Variants in PDE1C observed in about 807,000 individuals in gnomAD.
The protein encoded by PDE1C is dual specificity calcium/calmodulin-dependent 3',5'-cyclic nucleotide phosphodiesterase 1C.
Under a neutral mutation model 93.1 loss-of-function variants are expected in PDE1C, and 62 were observed. The ratio of observed to expected loss-of-function variants is 0.67; its 90% CI spans 0.54 to 0.82. The LOEUF (loss-of-function observed/expected upper bound fraction) is 0.82, where lower values mean the gene tolerates loss of function less well. Among genes scored for constraint, PDE1C ranks in the 40% least tolerant of loss-of-function variants. The pLI, the probability that PDE1C is intolerant of heterozygous loss-of-function variation, is 0.00. For missense variants in PDE1C, 742 were observed against 884.6 expected (o/e 0.84, Z 2.04); for synonymous variants, 325 against 310.1 (o/e 1.05, Z -0.50).
At chr7:32,032,882 G>A (rs1186635660) in intron 2 of PDE1C, among the ~76,000 whole-genome samples, 3 of 152,130 alleles carry the variant, frequency 2.0e-5, no homozygotes, top group African/African-American at 7.2e-5. Context: ...GAGAAGTGCT[G>A]TTTGTAAGGT....
intron 9 of PDE1C, among the ~76,000 whole-genome samples, chr7:31,840,196 T>G (rs2392004): frequency 1 from 151,743 of 152,264 alleles, 75,615 homozygotes; most frequent in East Asian, 1. Context: ...TTATCTCATC[T>G]TGGTTTTAAT....
the PDE1C span, chr7:31,643,071 G>A: frequency 5.0e-6 from 8 of 1,613,874 alleles, no homozygotes; most frequent in African/African-American, 1.3e-5. Context: ...ATCCTCTGGG[G>A]TTTATGGTAA....
intron 1 of PDE1C, among the ~76,000 whole-genome samples, chr7:32,214,156 T>C (rs200288961): frequency 6.6e-5 from 10 of 152,144 alleles, no homozygotes; most frequent in East Asian, 5.8e-4. Flanking sequence ...GTTTATACTA[T>C]TTTTATACAT....
At chr7:32,100,459 G>T (rs1797985183) in intron 3 of PDE1C, among the ~76,000 whole-genome samples, 1 of 152,086 alleles carries the variant, frequency 6.6e-6, no homozygotes, top group South Asian at 2.1e-4. Flanking sequence ...TTAAATTAAG[G>T]AAATAGTAAA....
At chr7:32,229,527 T>C (rs1299287590) in intron 1 of PDE1C, among the ~76,000 whole-genome samples, 3 of 152,322 alleles carry the variant, frequency 2.0e-5, no homozygotes, top group African/African-American at 7.2e-5. Context: ...AAGCCCTTTC[T>C]TTTTCCACTA....
chr7:31,957,589 A>T (rs148333473), intron 2 of PDE1C, among the ~76,000 whole-genome samples: 1 of 152,340 alleles, frequency 6.6e-6, no homozygotes, highest in African/African-American at 2.4e-5. Context: ...GGATATAACA[A>T]GATAATTCTT....
At chr7:31,804,886 C>T (rs1399892069) in intron 16 of PDE1C, among the ~76,000 whole-genome samples, 1 of 151,806 alleles carries the variant, frequency 6.6e-6, no homozygotes, top group Non-Finnish European at 1.5e-5. Context: ...AGATGATTCA[C>T]ATCCTAGGTG....
In PDE1C at chr7:32,298,394, T is replaced by G. The variant is rs78030506; in HGVS notation, c.85+257A>C. On this transcript the variant is annotated intron_variant, in intron 1 of 18. Transcript: ENST00000396193. ...AATCGCAGCCAGGAAACCGAGCAGT[T>G]CGGGGAGGTGTGATGCTGAAAACCA... 7.9e-3 allele frequency among the ~76,000 whole-genome samples: 1,199 copies of G among 152,076 alleles called. 52 individuals carry two copies. The East Asian group carries it at 0.11, about 14-fold the overall frequency.
intron 1 of PDE1C, among the ~76,000 whole-genome samples, chr7:32,305,042 G>T (rs1375589771): frequency 8.5e-5 from 13 of 152,116 alleles, no homozygotes; most frequent in African/African-American, 3.1e-4. Flanking sequence ...TGAGCAATGA[G>T]ACCGGACGTT....
chr7:31,885,909 C>G (rs1382591138), intron 2 of PDE1C, among the ~76,000 whole-genome samples: 1 of 152,174 alleles, frequency 6.6e-6, no homozygotes, highest in Non-Finnish European at 1.5e-5. Context: ...GAATTTCATT[C>G]TTTTGCACAA....
At chr7:31,644,856 G>A in the PDE1C span, among the ~76,000 whole-genome samples, 9 of 152,332 alleles carry the variant, frequency 5.9e-5, no homozygotes, top group East Asian at 1.9e-4. Context: ...TATTCAGAGC[G>A]GGGTGAAGTG....
At chr7:32,010,467 A>G (rs1453338063) in intron 2 of PDE1C, among the ~76,000 whole-genome samples, 1 of 152,240 alleles carries the variant, frequency 6.6e-6, no homozygotes, top group East Asian at 1.9e-4. Context: ...GTTTCAAACC[A>G]TACTTGCCAC....
At chr7:32,304,663 T>C (rs2128902878) in intron 1 of PDE1C, among the ~76,000 whole-genome samples, 1 of 152,240 alleles carries the variant, frequency 6.6e-6, no homozygotes, top group East Asian at 1.9e-4. Context: ...AAAAAGCTCC[T>C]CTACTTGCTA....
the PDE1C span, among the ~76,000 whole-genome samples, chr7:31,665,793 C>T: frequency 6.6e-6 from 1 of 152,102 alleles, no homozygotes; most frequent in Non-Finnish European, 1.5e-5. Context: ...GAACAAACTC[C>T]CACTCAAGAA....
chr7:32,051,423 A>G, intron 2 of PDE1C, 131 bp downstream of exon 2: 2 of 850,476 alleles, frequency 2.4e-6, no homozygotes, highest in Non-Finnish European at 4.0e-6. Context: ...ACGATCGGAG[A>G]TAAAGCACGC....
At chr7:32,100,914 A>G (rs17423839) in intron 3 of PDE1C, among the ~76,000 whole-genome samples, 53,713 of 152,014 alleles carry the variant, frequency 0.35, 10,224 homozygotes, top group Non-Finnish European at 0.43. Flanking sequence ...GATTCAATTC[A>G]CCATCACTTT....
intron 17 of PDE1C, among the ~76,000 whole-genome samples, chr7:31,775,045 G>C (rs952031581): frequency 6.6e-5 from 10 of 152,136 alleles, no homozygotes; most frequent in African/African-American, 2.4e-4. Context: ...TGATCAATAA[G>C]TGCCCCTTAT....
At chr7:32,011,701 G>A (rs755916081) in intron 2 of PDE1C, among the ~76,000 whole-genome samples, 3 of 152,128 alleles carry the variant, frequency 2.0e-5, no homozygotes, top group Admixed American at 6.5e-5. Flanking sequence ...GATATGGAGC[G>A]ACTAGAACTC....
chr7:31,705,358 G>A, the PDE1C span, among the ~76,000 whole-genome samples: 1 of 152,166 alleles, frequency 6.6e-6, no homozygotes. Context: ...AAGCAAGGAT[G>A]GATGGAAAAT....
Sources: allele counts gnomAD v4.1 joint callset (sites outside exome capture counted in the v4.1 genomes callset), GRCh38; gene constraint gnomAD v4.1.1; transcripts MANE v1.5; gene names NCBI Gene and HGNC (gene_info 2026-07-23, HGNC 2026-07-21).